NKAIN2: variants seen among roughly 807,000 people sequenced by gnomAD.
NKAIN2 encodes the protein sodium/potassium-transporting ATPase subunit beta-1-interacting protein 2.
A neutral mutation model predicts 32.6 loss-of-function variants in NKAIN2; 14 were observed. The observed-to-expected ratio is 0.43, with a 90% CI of 0.28 to 0.67. The LOEUF is 0.67. NKAIN2 is among the 30% of genes least tolerant of loss of function. NKAIN2 has a pLI of 0.17. For synonymous variants in NKAIN2, 80 were observed against 87.2 expected, an observed-to-expected ratio of 0.92 and a Z score of 0.46; for missense variants, 198 against 258.3, an observed-to-expected ratio of 0.77 and a Z score of 1.60.
At chr6:123,850,851 A>G (rs1294143979) in intron 1 of NKAIN2, among the ~76,000 whole-genome samples, 1 of 152,102 alleles carries the variant, frequency 6.6e-6, no homozygotes, top group African/African-American at 2.4e-5. Context: ...GAAATTTCGT[A>G]TCTTAGACCA....
intron 2 of NKAIN2, among the ~76,000 whole-genome samples, chr6:124,286,131 T>C (rs1198822300): frequency 6.6e-6 from 1 of 152,166 alleles, no homozygotes; most frequent in Non-Finnish European, 1.5e-5. Flanking sequence ...TTCCTTTGTG[T>C]ACATACAAAT....
intron 3 of NKAIN2, among the ~76,000 whole-genome samples, chr6:124,402,398 C>T (rs1042378175): frequency 1.3e-5 from 2 of 152,186 alleles, no homozygotes; most frequent in African/African-American, 4.8e-5. Flanking sequence ...TTTCCCGTTA[C>T]ATCTGTGTTG....
chr6:124,085,228 C>G (rs1185087925), intron 1 of NKAIN2, among the ~76,000 whole-genome samples: 1 of 151,940 alleles, frequency 6.6e-6, no homozygotes, highest in East Asian at 1.9e-4. Flanking sequence ...TATTTTAATG[C>G]AACTACTGAA....
chr6:124,084,893 C>A (rs1458203140), intron 1 of NKAIN2, among the ~76,000 whole-genome samples: 1 of 151,926 alleles, frequency 6.6e-6, no homozygotes, highest in African/African-American at 2.4e-5. Flanking sequence ...GCTAATCTTG[C>A]TGAGAAACCC....
rs182564369 is a variant in NKAIN2 at position 124,255,872 on chromosome 6, A to T, written c.55-27133A>T. ...TCTTCTGTTTTTCGTTTATCTACCCAAGTCACAGACATTCTGTGGCGCTGG... is the reference window on the plus strand; with the variant it reads ...TCTTCTGTTTTTCGTTTATCTACCCTAGTCACAGACATTCTGTGGCGCTGG... On this transcript the variant is annotated intron_variant, in intron 1 of 6. Coordinates refer to ENST00000368417, the MANE Select transcript of NKAIN2 (RefSeq NM_001040214.3). 2.6e-5 allele frequency among the ~76,000 whole-genome samples: 4 copies of T among 152,240 alleles called. No individual in the cohort carries two copies. In the East Asian group the frequency reaches 7.7e-4, roughly 29 times the overall value.
intron 3 of NKAIN2, among the ~76,000 whole-genome samples, chr6:124,442,016 G>T (rs754564481): frequency 6.6e-6 from 1 of 152,056 alleles, no homozygotes; most frequent in African/African-American, 2.4e-5. Flanking sequence ...TGAGTCTTCT[G>T]TCGTGTTGGC....
At chr6:124,808,647 G>T (rs986613827) in intron 5 of NKAIN2, among the ~76,000 whole-genome samples, 2 of 152,164 alleles carry the variant, frequency 1.3e-5, no homozygotes, top group Non-Finnish European at 2.9e-5. Context: ...AATTAGACAG[G>T]AGAAGGAAAT....
At chr6:123,925,647 A>G (rs754156974) in intron 1 of NKAIN2, among the ~76,000 whole-genome samples, 1 of 152,190 alleles carries the variant, frequency 6.6e-6, no homozygotes, top group Non-Finnish European at 1.5e-5. Flanking sequence ...TTAGGTCTGC[A>G]TGTGAAATAG....
chr6:123,870,830 T>C (rs941608028), intron 1 of NKAIN2, among the ~76,000 whole-genome samples: 1 of 152,126 alleles, frequency 6.6e-6, no homozygotes, highest in Non-Finnish European at 1.5e-5. Flanking sequence ...AGGAGAAAAA[T>C]TGCTCAAGCT....
chr6:124,785,965 G>T (rs974737995), intron 4 of NKAIN2, among the ~76,000 whole-genome samples: 1 of 152,146 alleles, frequency 6.6e-6, no homozygotes, highest in South Asian at 2.1e-4. Flanking sequence ...TGTGGTTGGG[G>T]AGTGGGGCTA....
intron 2 of NKAIN2, among the ~76,000 whole-genome samples, chr6:124,297,983 G>A (rs878932998): frequency 1.1e-4 from 17 of 152,130 alleles, no homozygotes. Context: ...TATCAGTTGT[G>A]AGTATGGAAT....
intron 3 of NKAIN2, among the ~76,000 whole-genome samples, chr6:124,406,173 T>C (rs560842433): frequency 3.3e-5 from 5 of 152,254 alleles, no homozygotes; most frequent in African/African-American, 1.2e-4. Context: ...TCAAGATAAA[T>C]ATATTCCTCA....
At chr6:124,711,862 G>A (rs1009339057) in intron 4 of NKAIN2, among the ~76,000 whole-genome samples, 29 of 152,142 alleles carry the variant, frequency 1.9e-4, no homozygotes, top group African/African-American at 6.8e-4. Flanking sequence ...TTGCTGGTGA[G>A]GAACTGTGTT....
intron 1 of NKAIN2, among the ~76,000 whole-genome samples, chr6:124,038,155 A>G (rs1403631937): frequency 1.3e-5 from 2 of 152,134 alleles, no homozygotes; most frequent in African/African-American, 4.8e-5. Context: ...ATCAACTAAC[A>G]TGACCACAAA....
chr6:124,601,192 C>T (rs1318577242), intron 3 of NKAIN2, among the ~76,000 whole-genome samples: 1 of 152,066 alleles, frequency 6.6e-6, no homozygotes, highest in Non-Finnish European at 1.5e-5. Flanking sequence ...CTAATCCTTC[C>T]ACTTTAAAAA....
chr6:124,130,647 T>G (rs1381544450), intron 1 of NKAIN2, among the ~76,000 whole-genome samples: 3 of 151,892 alleles, frequency 2.0e-5, no homozygotes, highest in African/African-American at 7.3e-5. Context: ...TAATCTTTAG[T>G]GTGTAAATCC....
chr6:124,259,224 T>A (rs1208024157), intron 1 of NKAIN2, among the ~76,000 whole-genome samples: 1 of 152,100 alleles, frequency 6.6e-6, no homozygotes, highest in Non-Finnish European at 1.5e-5. Context: ...TGGAATAAAA[T>A]TGATGGAATA....
At chr6:124,029,075 G>A (rs1781289078) in intron 1 of NKAIN2, among the ~76,000 whole-genome samples, 2 of 151,232 alleles carry the variant, frequency 1.3e-5, no homozygotes, top group Non-Finnish European at 3.0e-5. Context: ...ACTGATAATT[G>A]TGGGCTGTTC....
At chr6:124,308,154 G>A (rs2626118) in intron 2 of NKAIN2, among the ~76,000 whole-genome samples, 3 of 148,536 alleles carry the variant, frequency 2.0e-5, no homozygotes, top group Non-Finnish European at 4.4e-5. Flanking sequence ...CCCCCACCCC[G>A]CAGCAGGCCC....
Sources: allele counts gnomAD v4.1 joint callset (sites outside exome capture counted in the v4.1 genomes callset), GRCh38; gene constraint gnomAD v4.1.1; transcripts MANE v1.5; gene names NCBI Gene and HGNC (gene_info 2026-07-23, HGNC 2026-07-21).